Variants in CLASP2 observed in about 807,000 individuals in gnomAD.
The protein encoded by CLASP2 is CLIP-associating protein 2.
A neutral mutation model predicts 194.4 loss-of-function variants in CLASP2; 47 were observed. The ratio of observed to expected loss-of-function variants is 0.24; its 90% CI spans 0.19 to 0.31. The LOEUF (loss-of-function observed/expected upper bound fraction) is 0.31, where lower values mean the gene tolerates loss of function less well. Among genes scored for constraint, CLASP2 ranks in the 10% least tolerant of loss-of-function variants. The probability of loss-of-function intolerance (pLI) is 1.00; values close to 1 mark genes in which losing one functional copy is unlikely to be tolerated. For synonymous variants in CLASP2, 619 were observed against 633.5 expected (o/e 0.98, Z 0.34); for missense variants, 1,445 against 1,823.6 (o/e 0.79, Z 3.78).
intron 3 of CLASP2, 41 bp downstream of exon 3, chr3:33,689,788 A>G: frequency 7.2e-7 from 1 of 1,383,860 alleles, no homozygotes; most frequent in Non-Finnish European, 9.8e-7. Context: ...ATTTCCTGTG[A>G]TTACCATTAG....
intron 34 of CLASP2, among the ~76,000 whole-genome samples, chr3:33,529,342 C>CA (rs1426597338): frequency 6.6e-6 from 1 of 151,938 alleles, no homozygotes; most frequent in African/African-American, 2.4e-5. Flanking sequence ...CATATGGAAC[C>CA]AAAAAAGAGC....
chr3:33,540,137 C>G (rs1398507351), intron 32 of CLASP2, among the ~76,000 whole-genome samples: 1 of 151,218 alleles, frequency 6.6e-6, no homozygotes, highest in African/African-American at 2.4e-5. Context: ...ACCATGTTGA[C>G]TAGGCTGGTC....
intron 24 of CLASP2, 77 bp from the exon 25 acceptor site, chr3:33,573,431 AG>A: frequency 6.9e-7 from 1 of 1,442,174 alleles, no homozygotes; most frequent in Non-Finnish European, 9.6e-7. Flanking sequence ...TGACCACAAA[AG>A]GATTGATTTT....
At chr3:33,616,123 C>G (rs866479287) in intron 12 of CLASP2, among the ~76,000 whole-genome samples, 1 of 150,590 alleles carries the variant, frequency 6.6e-6, no homozygotes, top group South Asian at 2.1e-4. Flanking sequence ...TATAAAGAAC[C>G]CAAAATAATG....
At chr3:33,504,422 C>G (rs1468325263) in intron 37 of CLASP2, 1 of 152,182 alleles carries the variant, frequency 6.6e-6, no homozygotes, top group East Asian at 1.9e-4. Flanking sequence ...AGTGACCTGA[C>G]AGAGATTTCC....
At chr3:33,545,544 A>G (rs1299308408) in intron 30 of CLASP2, among the ~76,000 whole-genome samples, 1 of 152,172 alleles carries the variant, frequency 6.6e-6, no homozygotes, top group African/African-American at 2.4e-5. Flanking sequence ...AATACTATAC[A>G]ACACAATCTT....
chr3:33,611,928 C>T, intron 13 of CLASP2, 73 bp downstream of exon 13: 1 of 1,030,604 alleles, frequency 9.7e-7, no homozygotes. Flanking sequence ...CCAATTCTTG[C>T]AGCAGACAAA....
At chr3:33,547,526 G>T (rs974033728) in intron 30 of CLASP2, among the ~76,000 whole-genome samples, 9 of 152,106 alleles carry the variant, frequency 5.9e-5, no homozygotes, top group Non-Finnish European at 1.3e-4. Flanking sequence ...TGCTAAATTT[G>T]GCTTGCCAGC....
At chr3:33,572,830 AAATT>A (rs1239098170) in intron 25 of CLASP2, among the ~76,000 whole-genome samples, 8 of 152,068 alleles carry the variant, frequency 5.3e-5, no homozygotes, top group Non-Finnish European at 8.8e-5. Context: ...TTAAATATTA[AAATT>A]AATAACATTT....
At chr3:33,641,781 C>A (rs2081351251) in intron 8 of CLASP2, among the ~76,000 whole-genome samples, 1 of 104,246 alleles carries the variant, frequency 9.6e-6, no homozygotes. Flanking sequence ...GGTAATCTTA[C>A]TTGAAAAGAG....
chr3:33,548,366 C>T (rs549931913), intron 30 of CLASP2, among the ~76,000 whole-genome samples: 18 of 152,048 alleles, frequency 1.2e-4, no homozygotes, highest in East Asian at 3.9e-4. Flanking sequence ...GGCGCAATCT[C>T]GGCTCACTAC....
chr3:33,669,794 T>C (rs1463985466), intron 6 of CLASP2, among the ~76,000 whole-genome samples: 2 of 152,086 alleles, frequency 1.3e-5, no homozygotes, highest in Non-Finnish European at 2.9e-5. Context: ...TGTAGAATAA[T>C]GGAAACTTGC....
intron 34 of CLASP2, among the ~76,000 whole-genome samples, chr3:33,523,821 G>T (rs546719957): frequency 1.2e-4 from 19 of 152,208 alleles, no homozygotes; most frequent in African/African-American, 4.3e-4. Flanking sequence ...ACTGAAAAGG[G>T]TGGGGTCAGA....
intron 21 of CLASP2, among the ~76,000 whole-genome samples, chr3:33,589,367 C>CT (rs1331494127): frequency 1.3e-5 from 2 of 151,316 alleles, no homozygotes; most frequent in Non-Finnish European, 3.0e-5. Context: ...ATCTGAGAGA[C>CT]TTTTTTTTTC....
intron 34 of CLASP2, among the ~76,000 whole-genome samples, chr3:33,524,590 G>A (rs2053998724): frequency 6.6e-6 from 1 of 152,166 alleles, no homozygotes; most frequent in Non-Finnish European, 1.5e-5. Context: ...AGTTGAGGCT[G>A]CAGTAAGCCA....
At chr3:33,641,651 T>C (rs1006471033) in intron 8 of CLASP2, among the ~76,000 whole-genome samples, 3 of 151,946 alleles carry the variant, frequency 2.0e-5, no homozygotes, top group African/African-American at 7.2e-5. Flanking sequence ...TTGCTAAAAA[T>C]TGCATACAGC....
intron 18 of CLASP2, among the ~76,000 whole-genome samples, chr3:33,600,293 T>C (rs1308598930): frequency 6.6e-6 from 1 of 152,204 alleles, no homozygotes; most frequent in African/African-American, 2.4e-5. Context: ...GTCTTGTTAC[T>C]GATCTTAGGG....
At chr3:33,578,044 GATTA>G (rs2065262510) in intron 23 of CLASP2, among the ~76,000 whole-genome samples, 1 of 152,190 alleles carries the variant, frequency 6.6e-6, no homozygotes, top group Non-Finnish European at 1.5e-5. Flanking sequence ...CCTAGAGAGA[GATTA>G]ATTAATTTGA....
intron 23 of CLASP2, among the ~76,000 whole-genome samples, chr3:33,577,950 G>C (rs779488556): frequency 6.6e-6 from 1 of 152,108 alleles, no homozygotes; most frequent in African/African-American, 2.4e-5. Flanking sequence ...AAACCATGCC[G>C]AATAAACTTC....
Sources: gnomAD v4.1 joint callset for allele counts (sites outside exome capture counted in the v4.1 genomes callset) on GRCh38, gnomAD v4.1.1 for gene constraint, MANE v1.5 for transcripts, NCBI Gene and HGNC (gene_info 2026-07-23, HGNC 2026-07-21) for gene names.